Variants in IQANK1 observed in about 807,000 individuals in gnomAD.
The protein encoded by IQANK1 is IQ motif and ankyrin repeat domain-containing protein 1.
Under a neutral mutation model 22.6 loss-of-function variants are expected in IQANK1, and 30 were observed. That is an observed-to-expected ratio of 1.33 (90% CI 0.99 to 1.80). The LOEUF (loss-of-function observed/expected upper bound fraction) is 1.80, where lower values mean the gene tolerates loss of function less well. Ranked by LOEUF, IQANK1 falls within the 40% of genes most tolerant of loss-of-function variation. The pLI is 0.00. For missense variants in IQANK1, 275 were observed against 235.2 expected (o/e 1.17, Z -1.11); for synonymous variants, 122 against 99.6 (o/e 1.23, Z -1.34).
rs7845216 is a variant in IQANK1, at chr8:143,772,435, G to A, written c.742G>A (p.Gly248Arg). Residue 248 changes from glycine (G) to arginine (R), a missense_variant, in exon 7 of 14, where the codon GGA becomes AGA. Transcript: ENST00000527139. ...AGCTGTGGAGGTGCTCCTGAAGCTC[G>A]GAGCAGACCCCCGGGTGTACGCAGA... ...LAAVEVLLKL[G>R]ADPRVYAEDG... is the part of the protein sequence containing the mutation. The A allele has an allele frequency of 0.21, 82,495 of 399,162 alleles. 10,064 individuals carry two copies. Among genetic ancestry groups the A allele is most frequent in the East Asian group, 0.44 (12,430 of 28,036 alleles). The allele number at this position is 399,162 out of a possible 1,614,324, so 24.7% of individuals were successfully genotyped here.
At position 143,735,703 on chromosome 8, in the gene IQANK1, A is replaced by G; in HGVS notation, c.-4-147A>G. ...CACCCGGGGCGGGCAGGCAGACAGG[A>G]CACCAGCTGGGAAGCCTCAGGGGAG... On this transcript the variant is annotated intron_variant, in intron 1 of 13. Transcript: ENST00000527139. This position sits in a 1 kb window ranked among gnomAD's most constrained non-coding sequence, Gnocchi z 5.2. 1 of 608,566 alleles carries G rather than the reference A, an allele frequency of 1.6e-6. No individual in the cohort carries two copies. The highest frequency in any genetic ancestry group is 3.0e-6 in the Non-Finnish European group (1 of 335,000). The allele number at this position is 608,566 out of a possible 1,614,324, so 37.7% of individuals were successfully genotyped here.
At chr8:143,755,233 C>T (rs542726581) in intron 3 of IQANK1, among the ~76,000 whole-genome samples, 12 of 152,318 alleles carry the variant, frequency 7.9e-5, no homozygotes, top group East Asian at 7.7e-4. Flanking sequence ...CATTCTATCA[C>T]GCCAGCTCCT....
intron 3 of IQANK1, among the ~76,000 whole-genome samples, chr8:143,741,540 A>C (rs2129779814): frequency 6.6e-6 from 1 of 152,242 alleles, no homozygotes; most frequent in East Asian, 1.9e-4. Context: ...GGGATTCTAC[A>C]CATGTGCCTG....
chr8:143,789,824 G>GCGC lies in IQANK1; in HGVS notation c.1151_1153dup (p.Ala384_Leu385insPro). ...GCAGGAGGCCCAGAAGGCCGAGGAG[G>GCGC]CGCTGGCTATGGCCAGGCTGGAGCT... On this transcript the variant is annotated inframe_insertion, in exon 11 of 14. Transcript: ENST00000527139. 1 of 1,232,232 alleles carries GCGC rather than the reference G, an allele frequency of 8.1e-7. No individual in the cohort carries two copies. The highest frequency in any genetic ancestry group is 1.0e-6 in the Non-Finnish European group (1 of 988,192). 76.3% of individuals were successfully genotyped at this position (1,232,232 alleles called of 1,614,324 possible).
intron 10 of IQANK1, 58 bp downstream of exon 10, chr8:143,789,586 C>T (rs1819976856): frequency 8.1e-7 from 1 of 1,231,106 alleles, no homozygotes; most frequent in Non-Finnish European, 1.0e-6. Context: ...CTCCTTGTTC[C>T]AAACCAGCCC....
chr8:143,770,304 G>C (rs1255314663), intron 3 of IQANK1, among the ~76,000 whole-genome samples: 3 of 152,092 alleles, frequency 2.0e-5, no homozygotes, highest in Non-Finnish European at 4.4e-5. Flanking sequence ...GTTTTATCTT[G>C]AGTGTTTGCT....
In IQANK1 at chr8:143,751,662, G is replaced by GTATA. The variant is rs1187068578; in HGVS notation, c.175+11715_175+11716insATAT. ...TGTGTGTGTGTGTGTGTGTGTGTGTGTGTATATATATATATAAAATCCTAT... is the reference window on the plus strand; with the variant it reads ...TGTGTGTGTGTGTGTGTGTGTGTGTGTATATGTATATATATATATAAAATCCTAT... On this transcript the variant is annotated intron_variant, in intron 3 of 13. Transcript: ENST00000527139. 4.3e-3 allele frequency among the ~76,000 whole-genome samples: 235 copies of GTATA among 54,308 alleles called. 2 individuals carry two copies. Among genetic ancestry groups the GTATA allele is most frequent in the African/African-American group, 8.0e-3 (178 of 22,196 alleles). 35.6% of individuals were successfully genotyped at this position (54,308 alleles called of 152,430 possible).
chr8:143,752,936 A>T (rs1819220738), intron 3 of IQANK1, among the ~76,000 whole-genome samples: 1 of 146,836 alleles, frequency 6.8e-6, no homozygotes, highest in Non-Finnish European at 1.5e-5. Flanking sequence ...TTTCTGAGGT[A>T]CCTAAAATGT....
intron 7 of IQANK1, among the ~76,000 whole-genome samples, chr8:143,785,931 T>C (rs1819877060): frequency 6.6e-6 from 1 of 152,092 alleles, no homozygotes; most frequent in African/African-American, 2.4e-5. Flanking sequence ...TTCACCACGT[T>C]GGCCAGGCTG....
intron 3 of IQANK1, among the ~76,000 whole-genome samples, chr8:143,764,343 A>AC (rs1819448339): frequency 1.3e-5 from 2 of 151,918 alleles, no homozygotes; most frequent in Admixed American, 6.6e-5. Flanking sequence ...GACCAGGCGC[A>AC]GTGGCTCCTG....
intron 7 of IQANK1, among the ~76,000 whole-genome samples, chr8:143,773,263 C>T (rs1333980526): frequency 6.7e-6 from 1 of 149,810 alleles, no homozygotes; most frequent in East Asian, 2.0e-4. Context: ...GCCAAGATGG[C>T]GCCACTGCAC....
intron 7 of IQANK1, among the ~76,000 whole-genome samples, chr8:143,775,457 C>T (rs1249517634): frequency 4.0e-5 from 6 of 151,494 alleles, no homozygotes; most frequent in African/African-American, 1.2e-4. Flanking sequence ...TAGACAAGAA[C>T]ATTAAAAGTT....
intron 3 of IQANK1, among the ~76,000 whole-genome samples, chr8:143,762,091 A>C (rs1314659752): frequency 6.6e-6 from 1 of 152,186 alleles, no homozygotes; most frequent in African/African-American, 2.4e-5. Context: ...AAATGTATCA[A>C]TATACCAGAA....
At chr8:143,753,853 G>A (rs1456980574) in intron 3 of IQANK1, among the ~76,000 whole-genome samples, 16 of 152,062 alleles carry the variant, frequency 1.1e-4, no homozygotes, top group Non-Finnish European at 2.2e-4. Context: ...TTGAAAACTG[G>A]ACATTTGAAT....
At position 143,790,469 on chromosome 8, in the gene IQANK1, AG is replaced by A. The variant is rs782155452; in HGVS notation, c.1545del (p.Glu515AspfsTer?). 6 of 432,826 alleles carry A rather than the reference AG, an allele frequency of 1.4e-5. No homozygotes were observed. The highest frequency in any genetic ancestry group is 2.3e-5 in the Non-Finnish European group (6 of 257,274). 26.8% of individuals were successfully genotyped at this position (432,826 alleles called of 1,614,324 possible). ...CTGCTGCGGCCCACGGACGGGCCTG[AG>A]TATAGCCCCACGCAGTTCCAGGAGC... ...LSLLRPTDGP[E>X]YSPTQFQEQR... On this transcript the variant is annotated frameshift_variant, in exon 14 of 14. Coordinates refer to ENST00000527139, the MANE Select transcript of IQANK1 (RefSeq NM_001381874.1). LOFTEE classifies it low-confidence loss of function (END_TRUNC).
Position 143,789,529 on chromosome 8 carries a change from G to A in IQANK1, c.1086+1G>A, listed in dbSNP as rs1309811410. 1 of 1,232,074 alleles carries A rather than the reference G, an allele frequency of 8.1e-7. No individual in the cohort carries two copies. Among genetic ancestry groups the A allele is most frequent in the Non-Finnish European group, 1.0e-6 (1 of 988,122 alleles). The allele number at this position is 1,232,074 out of a possible 1,614,324, so 76.3% of individuals were successfully genotyped here. ...GGACAAGACCAAGCTCACGCTGCAG[G>A]TGGGGGCCCGTGGTGGACTTGATAT... is the stretch of plus-strand genomic sequence containing the variant. On this transcript the variant is annotated splice_donor_variant, in intron 10 of 13. Transcript: ENST00000527139. LOFTEE classifies it high-confidence loss of function.
At chr8:143,784,141 A>G (rs1476693968) in intron 7 of IQANK1, among the ~76,000 whole-genome samples, 3 of 152,170 alleles carry the variant, frequency 2.0e-5, no homozygotes, top group Non-Finnish European at 2.9e-5. Flanking sequence ...TTCTGTATCA[A>G]CCAGGATAGA....
chr8:143,778,712 G>A (rs902536568), intron 7 of IQANK1, among the ~76,000 whole-genome samples: 11 of 152,050 alleles, frequency 7.2e-5, no homozygotes, highest in South Asian at 2.1e-4. Context: ...CATCCATCTC[G>A]CCCCAGTATT....
chr8:143,781,379 G>T (rs1259663022), intron 7 of IQANK1, among the ~76,000 whole-genome samples: 1 of 152,114 alleles, frequency 6.6e-6, no homozygotes, highest in Non-Finnish European at 1.5e-5. Context: ...TGGTGTCTTT[G>T]TCATGAAATT....
Sources: allele counts gnomAD v4.1 joint callset (sites outside exome capture counted in the v4.1 genomes callset), GRCh38; gene constraint gnomAD v4.1.1; non-coding constraint Gnocchi (gnomAD v3.1); transcripts MANE v1.5; gene names NCBI Gene and HGNC (gene_info 2026-07-23, HGNC 2026-07-21).